DNAJA4: variants seen among roughly 807,000 people sequenced by gnomAD.
DNAJA4 encodes the protein dnaJ homolog subfamily A member 4.
A neutral mutation model predicts 39.7 loss-of-function variants in DNAJA4; 32 were observed. That is an observed-to-expected ratio of 0.81 (90% CI 0.61 to 1.08). The LOEUF is 1.08. DNAJA4 is among the 50% of genes least tolerant of loss of function. The probability of loss-of-function intolerance (pLI) is 0.00; values close to 1 mark genes in which losing one functional copy is unlikely to be tolerated. For missense variants in DNAJA4, 439 were observed against 505.1 expected, an observed-to-expected ratio of 0.87 and a Z score of 1.25; for synonymous variants, 184 against 182.4, an observed-to-expected ratio of 1.01 and a Z score of -0.07.
At chr15:78,265,730 T>C (rs983355616) in intron 1 of DNAJA4, 2 of 690,460 alleles carry the variant, frequency 2.9e-6, no homozygotes, top group Non-Finnish European at 5.3e-6. Context: ...AACCCTCCCG[T>C]TCCTCCTTTC....
rs1354876508 is a variant in DNAJA4, at chr15:78,280,230, C to T, written c.979-15C>T. 2 of 1,612,860 alleles carry T rather than the reference C, an allele frequency of 1.2e-6. No homozygotes were observed. The highest frequency in any genetic ancestry group is 8.5e-7 in the Non-Finnish European group (1 of 1,178,908). ...AAAAAACAGCCACCTTTCTTTCCCACCTCACCCTTTACAGGTAATCTTTCC... is the reference window on the plus strand; with the variant it reads ...AAAAAACAGCCACCTTTCTTTCCCATCTCACCCTTTACAGGTAATCTTTCC... On this transcript the variant is annotated splice_polypyrimidine_tract_variant and intron_variant, in intron 6 of 6. Coordinates refer to ENST00000394852, the MANE Select transcript of DNAJA4 (RefSeq NM_001130182.2).
chr15:78,271,070 CAAAA>C (rs921540115), intron 2 of DNAJA4, among the ~76,000 whole-genome samples: 5 of 151,796 alleles, frequency 3.3e-5, no homozygotes, highest in Admixed American at 2.6e-4. Context: ...AACAAACAAA[CAAAA>C]AACCCCACCA....
chr15:78,266,030 T>A (rs962874596), intron 1 of DNAJA4: 3 of 589,940 alleles, frequency 5.1e-6, no homozygotes, highest in East Asian at 2.8e-5. Context: ...TTTAAAATGC[T>A]TTCCTGTAAG....
intron 1 of DNAJA4, among the ~76,000 whole-genome samples, chr15:78,267,173 A>T (rs60422378): frequency 1.6e-4 from 15 of 92,414 alleles, no homozygotes; most frequent in African/African-American, 3.4e-4. Context: ...TGAGTGTGTG[A>T]GTGTGTGAGT....
At chr15:78,265,031 G>A (rs913647350) in intron 1 of DNAJA4, 136 bp downstream of exon 1, 3 of 1,128,182 alleles carry the variant, frequency 2.7e-6, no homozygotes, top group Non-Finnish European at 3.6e-6. Flanking sequence ...GCCAGGCCGG[G>A]CAGAGGTGGC....
At chr15:78,273,475 G>A (rs1028848601) in intron 3 of DNAJA4, among the ~76,000 whole-genome samples, 3 of 152,154 alleles carry the variant, frequency 2.0e-5, no homozygotes, top group Admixed American at 6.5e-5. Flanking sequence ...TGTGCACAAC[G>A]TGCAGGTTTG....
intron 1 of DNAJA4, chr15:78,266,312 G>GTATA: frequency 6.2e-7 from 1 of 1,609,640 alleles, no homozygotes. Flanking sequence ...ATGCCTCTGT[G>GTATA]TATACAGTTA....
intron 6 of DNAJA4, 41 bp from the exon 7 acceptor site, chr15:78,280,204 G>A (rs1372816594): frequency 1.2e-6 from 2 of 1,611,020 alleles, no homozygotes; most frequent in Non-Finnish European, 1.7e-6. Context: ...ATTGGAAGGG[G>A]AAAAAACAGC....
intron 1 of DNAJA4, among the ~76,000 whole-genome samples, chr15:78,267,168 G>GTGTGAGTGTGTGTGTGTA (rs1555438046): frequency 2.9e-5 from 3 of 102,316 alleles, no homozygotes; most frequent in African/African-American, 9.5e-5. Context: ...GTATGTGAGT[G>GTGTGAGTGTGTGTGTGTA]TGTGAGTGTG....
At chr15:78,271,909 G>A (rs2049308400) in intron 2 of DNAJA4, among the ~76,000 whole-genome samples, 1 of 152,178 alleles carries the variant, frequency 6.6e-6, no homozygotes, top group Non-Finnish European at 1.5e-5. Context: ...CTAGATAAAT[G>A]AAGCTGCACT....
intron 1 of DNAJA4, chr15:78,265,467 T>G (rs1376161888): frequency 5.7e-6 from 4 of 702,242 alleles, no homozygotes; most frequent in Non-Finnish European, 7.8e-6. Flanking sequence ...AATCCCATTT[T>G]CTTTATTAAA....
At chr15:78,273,337 G>A (rs916771796) in intron 3 of DNAJA4, 138 bp downstream of exon 3, 13 of 629,770 alleles carry the variant, frequency 2.1e-5, no homozygotes, top group Non-Finnish European at 2.8e-5. Context: ...CAGGTGGCCT[G>A]AGGGCCACAC....
At chr15:78,274,722 A>G (rs948522841) in intron 4 of DNAJA4, 3 of 418,186 alleles carry the variant, frequency 7.2e-6, no homozygotes, top group Middle Eastern at 7.3e-4. Flanking sequence ...GTTAGTTGCC[A>G]TCTCCTGACA....
At position 78,274,377 on chromosome 15, in the gene DNAJA4, C is replaced by A. The variant is rs373239452; in HGVS notation, c.599C>A (p.Ala200Asp). Residue 200 changes from alanine (A) to aspartate (D), a missense_variant, in exon 4 of 7, where the codon GCC becomes GAC. By Grantham distance (126) the Ala-to-Asp change is moderately radical. Coordinates refer to ENST00000394852, the MANE Select transcript of DNAJA4 (RefSeq NM_001130182.2). ...PKDRCESCSG[A>D]KVIREKKIIE... ...GACCGCTGCGAGAGCTGCAGCGGGG[C>A]CAAGGTGATCCGTGAGAAGAAGATT... The A allele has an allele frequency of 1.8e-5, 29 of 1,614,020 alleles. 1 individual carries two copies. The highest frequency in any genetic ancestry group is 8.3e-5 in the Admixed American group (5 of 60,000).
At chr15:78,276,311 A>G (rs950295892) in intron 5 of DNAJA4, among the ~76,000 whole-genome samples, 4 of 152,224 alleles carry the variant, frequency 2.6e-5, no homozygotes, top group African/African-American at 9.7e-5. Context: ...GACTTTGCCT[A>G]TCAGTTTATC....
intron 1 of DNAJA4, among the ~76,000 whole-genome samples, chr15:78,267,079 C>T (rs1358529242): frequency 6.6e-6 from 1 of 151,706 alleles, no homozygotes; most frequent in African/African-American, 2.4e-5. Context: ...ACAAATACCT[C>T]CTCTTCTGGT....
chr15:78,264,264 G>C, upstream of DNAJA4: 3 of 1,296,530 alleles, frequency 2.3e-6, no homozygotes, highest in Non-Finnish European at 3.0e-6. Flanking sequence ...CGGCGGGACA[G>C]TTGTCGGAGG....
At position 78,275,645 on chromosome 15, in the gene DNAJA4, T is replaced by C; in HGVS notation, c.794T>C (p.Ile265Thr). 6.2e-7 allele frequency: 1 copy of C among 1,614,190 alleles called. No individual in the cohort carries two copies. ...CATGACTTGATCATGAAAATGAAAA[T>C]TCAGCTTTCTGAAGCTCTTTGTGGC... is the stretch of plus-strand genomic sequence containing the variant. Reference protein sequence around the residue: ...RGHDLIMKMKIQLSEALCGFK... With the variant: ...RGHDLIMKMKTQLSEALCGFK... Residue 265 changes from isoleucine to threonine, a missense_variant, in exon 5 of 7, where the codon ATT becomes ACT. Ile to Thr is a moderately conservative substitution (Grantham distance 89). Transcript: ENST00000394852.
At chr15:78,276,045 GTTC>G (rs2049447631) in intron 5 of DNAJA4, among the ~76,000 whole-genome samples, 1 of 152,134 alleles carries the variant, frequency 6.6e-6, no homozygotes, top group Non-Finnish European at 1.5e-5. Context: ...AATTTATAAA[GTTC>G]TTGTATATTC....
Sources: gnomAD v4.1 joint callset for allele counts (sites outside exome capture counted in the v4.1 genomes callset) on GRCh38, gnomAD v4.1.1 for gene constraint, MANE v1.5 for transcripts, NCBI Gene and HGNC (gene_info 2026-07-23, HGNC 2026-07-21) for gene names.